Variants in MAP4K4 observed in about 807,000 individuals in gnomAD.
The protein encoded by MAP4K4 is HPK/GCK-like kinase HGK.
MAP4K4 carries 38 observed loss-of-function variants against 189.6 expected under a neutral mutation model. The ratio of observed to expected loss-of-function variants is 0.20; its 90% CI spans 0.15 to 0.26. The LOEUF is 0.26. Ranked by LOEUF, MAP4K4 falls within the 10% of genes least tolerant of loss-of-function variation. The pLI is 1.00. For synonymous variants in MAP4K4, 610 were observed against 624.3 expected (o/e 0.98, Z 0.34); for missense variants, 1,054 against 1,726.9 (o/e 0.61, Z 6.91).
At chr2:101,735,290 A>G (rs2059921033) in intron 2 of MAP4K4, among the ~76,000 whole-genome samples, 1 of 152,172 alleles carries the variant, frequency 6.6e-6, no homozygotes, top group Non-Finnish European at 1.5e-5. Flanking sequence ...ATGGTCACCT[A>G]CAGTAAACTT....
chr2:101,856,419 CTGCATGTATCTTCTCAG>C (rs1234809284), intron 13 of MAP4K4, among the ~76,000 whole-genome samples: 1 of 152,126 alleles, frequency 6.6e-6, no homozygotes, highest in Non-Finnish European at 1.5e-5. Flanking sequence ...TGAAAGATGT[CTGCATGTATCTTCTCAG>C]GCTTGGCTTA....
In MAP4K4 at chr2:101,711,238, T is replaced by C. The variant is rs542595846; in HGVS notation, c.123+12700T>C. 1.7e-4 allele frequency among the ~76,000 whole-genome samples: 26 copies of C among 152,310 alleles called. 1 individual carries two copies. The highest frequency in any genetic ancestry group is 1.5e-3 in the Admixed American group (23 of 15,298). ...AACAATGGTGTACAGGTTTGTGATA[T>C]TCACATAGTTTTTAATAAGTTTCTG... On this transcript the variant is annotated intron_variant, in intron 2 of 32. Transcript: ENST00000324219.
In MAP4K4 at chr2:101,851,269, T is replaced by A. The variant is rs138569025; in HGVS notation, c.1234-4708T>A. ...GACATCACACAGTTTTTCTGTCTGTTTGATTTTATTTTTAAAGAAAGGATA... is the reference window on the plus strand; with the variant it reads ...GACATCACACAGTTTTTCTGTCTGTATGATTTTATTTTTAAAGAAAGGATA... On this transcript the variant is annotated intron_variant, in intron 12 of 32. Transcript: ENST00000324219. Among the ~76,000 whole-genome samples, 465 of 152,328 alleles carry A rather than the reference T, an allele frequency of 3.1e-3. 2 individuals are homozygous for A. Among genetic ancestry groups the A allele is most frequent in the African/African-American group, 0.011 (449 of 41,574 alleles).
intron 2 of MAP4K4, among the ~76,000 whole-genome samples, chr2:101,707,212 C>CTTTTTTTTTTTTT (rs545502305): frequency 2.2e-5 from 3 of 133,944 alleles, no homozygotes; most frequent in Non-Finnish European, 3.2e-5. Context: ...TTTATTTTAT[C>CTTTTTTTTTTTTT]TTTTTTTTTT....
intron 9 of MAP4K4, among the ~76,000 whole-genome samples, 188 bp downstream of exon 9, chr2:101,836,166 T>C (rs2096745185): frequency 6.6e-6 from 1 of 152,214 alleles, no homozygotes; most frequent in Admixed American, 6.5e-5. Context: ...TTAAATTCTC[T>C]CTGAATTACA....
At chr2:101,729,077 G>GAAAGAGAGAGA (rs70946662) in intron 2 of MAP4K4, among the ~76,000 whole-genome samples, 1 of 128,768 alleles carries the variant, frequency 7.8e-6, no homozygotes, top group Non-Finnish European at 1.6e-5. Context: ...ATTAGAGAGA[G>GAAAGAGAGAGA]GAGAGAGAGA....
At chr2:101,751,141 G>T (rs1167609235) in intron 2 of MAP4K4, among the ~76,000 whole-genome samples, 1 of 152,162 alleles carries the variant, frequency 6.6e-6, no homozygotes, top group Non-Finnish European at 1.5e-5. Context: ...CAGCTTTTCA[G>T]CTATGCATTG....
intron 3 of MAP4K4, among the ~76,000 whole-genome samples, chr2:101,796,505 T>C (rs1375724854): frequency 6.6e-6 from 1 of 152,188 alleles, no homozygotes; most frequent in Non-Finnish European, 1.5e-5. Context: ...AATTAGAACC[T>C]GGATCTTTGA....
At chr2:101,751,591 A>T (rs2069014152) in intron 2 of MAP4K4, among the ~76,000 whole-genome samples, 1 of 152,246 alleles carries the variant, frequency 6.6e-6, no homozygotes, top group Non-Finnish European at 1.5e-5. Context: ...AAATGGAAAG[A>T]AATGCATGGC....
chr2:101,721,958 A>G (rs1478265812), intron 2 of MAP4K4, among the ~76,000 whole-genome samples: 2 of 152,200 alleles, frequency 1.3e-5, no homozygotes, highest in Non-Finnish European at 2.9e-5. Flanking sequence ...TTCTTTGGCT[A>G]GTTGTATTCC....
rs980060760 is a variant in MAP4K4 at position 101,771,659 on chromosome 2, G to A, written c.124-19061G>A. On this transcript the variant is annotated intron_variant, in intron 2 of 32. Coordinates refer to ENST00000324219, the Ensembl canonical transcript of MAP4K4. Reference sequence around the variant, plus strand: ...CTCTATTCTTAAGTGCACGGAGGCCGCGCAATGTGCAGACATGCAGTTTAG... The same window carrying A: ...CTCTATTCTTAAGTGCACGGAGGCCACGCAATGTGCAGACATGCAGTTTAG... 2.6e-5 allele frequency among the ~76,000 whole-genome samples: 4 copies of A among 152,150 alleles called. 1 individual carries two copies. Among genetic ancestry groups the A allele is most frequent in the Non-Finnish European group, 4.4e-5 (3 of 68,030 alleles).
intron 3 of MAP4K4, among the ~76,000 whole-genome samples, chr2:101,800,959 A>AT (rs557361066): frequency 7.2e-5 from 11 of 152,268 alleles, no homozygotes; most frequent in Admixed American, 7.2e-4. Context: ...AACCAAAGGC[A>AT]TTTTTTCTAA....
chr2:101,884,392 T>C (rs1302089184), intron 28 of MAP4K4, among the ~76,000 whole-genome samples: 5 of 152,234 alleles, frequency 3.3e-5, no homozygotes, highest in Non-Finnish European at 7.3e-5. Flanking sequence ...CAGACTGTTA[T>C]AAACCTTTGT....
At chr2:101,815,525 C>T (rs1164803283) in intron 3 of MAP4K4, among the ~76,000 whole-genome samples, 1 of 151,890 alleles carries the variant, frequency 6.6e-6, no homozygotes, top group Non-Finnish European at 1.5e-5. Flanking sequence ...TTTTCTTTCC[C>T]CCCCTCTCTC....
chr2:101,805,687 T>G (rs1401992969), intron 3 of MAP4K4, among the ~76,000 whole-genome samples: 2 of 152,218 alleles, frequency 1.3e-5, no homozygotes, highest in African/African-American at 4.8e-5. Flanking sequence ...CCACTTATTT[T>G]CTGACTTAAT....
intron 2 of MAP4K4, among the ~76,000 whole-genome samples, chr2:101,787,554 G>A (rs1266359739): frequency 6.6e-6 from 1 of 152,168 alleles, no homozygotes; most frequent in African/African-American, 2.4e-5. Flanking sequence ...CACCCTGAGC[G>A]GAGAGTCAGT....
chr2:101,867,374 A>G, intron 20 of MAP4K4, 65 bp downstream of exon 20: 1 of 1,305,732 alleles, frequency 7.7e-7, no homozygotes, highest in Admixed American at 2.0e-5. Context: ...TATTAAAAAT[A>G]TGTGGTTGAG....
chr2:101,737,020 GC>G (rs1263912321), intron 2 of MAP4K4, among the ~76,000 whole-genome samples: 5 of 152,116 alleles, frequency 3.3e-5, no homozygotes, highest in Non-Finnish European at 5.9e-5. Flanking sequence ...GGAAAAAGGG[GC>G]TATTGGGCAA....
At chr2:101,802,197 G>C (rs758910909) in intron 3 of MAP4K4, among the ~76,000 whole-genome samples, 4 of 152,144 alleles carry the variant, frequency 2.6e-5, no homozygotes, top group Non-Finnish European at 4.4e-5. Flanking sequence ...CACAGCCTCT[G>C]TGCTGCCACC....
Sources: gnomAD v4.1 joint callset for allele counts (sites outside exome capture counted in the v4.1 genomes callset) on GRCh38, gnomAD v4.1.1 for gene constraint, MANE v1.5 for transcripts, NCBI Gene and HGNC (gene_info 2026-07-23, HGNC 2026-07-21) for gene names.